Variants in KIF1B observed in about 807,000 individuals in gnomAD.
KIF1B encodes the protein kinesin family member 1B.
Under a neutral mutation model 241.9 loss-of-function variants are expected in KIF1B, and 76 were observed. The ratio of observed to expected loss-of-function variants is 0.31; its 90% CI spans 0.26 to 0.38. The LOEUF (loss-of-function observed/expected upper bound fraction) is 0.38. Ranked by LOEUF, KIF1B falls within the 10% of genes least tolerant of loss-of-function variation. The pLI is 1.00. For synonymous variants in KIF1B, 750 were observed against 796.7 expected, an observed-to-expected ratio of 0.94 and a Z score of 0.99; for missense variants, 1,622 against 2,271.4, an observed-to-expected ratio of 0.71 and a Z score of 5.81.
chr1:10,309,936 C>G (rs775865036), intron 22 of KIF1B, among the ~76,000 whole-genome samples: 3 of 151,370 alleles, frequency 2.0e-5, no homozygotes, highest in Non-Finnish European at 4.4e-5. Context: ...CTTCCCACCT[C>G]TGGGCTCTTG....
At chr1:10,242,927 A>T (rs1280161993) in intron 2 of KIF1B, among the ~76,000 whole-genome samples, 1 of 152,152 alleles carries the variant, frequency 6.6e-6, no homozygotes, top group Admixed American at 6.5e-5. Flanking sequence ...GATGGCAGGG[A>T]AAGGTAGGTA....
chr1:10,338,183 A>G (rs1304170564), intron 31 of KIF1B, among the ~76,000 whole-genome samples: 1 of 152,132 alleles, frequency 6.6e-6, no homozygotes, highest in Non-Finnish European at 1.5e-5. Context: ...AGTACAAGAG[A>G]CTGAAGTGTG....
intron 18 of KIF1B, 92 bp from the exon 19 acceptor site, chr1:10,295,568 A>T: frequency 8.6e-7 from 1 of 1,162,960 alleles, no homozygotes; most frequent in Non-Finnish European, 1.3e-6. Context: ...TTTTGTACGT[A>T]CCAAAGGATA....
At position 10,378,603 on chromosome 1, in the gene KIF1B, A is replaced by G; in HGVS notation, c.*2016A>G. 3.4e-6 allele frequency: 2 copies of G among 595,026 alleles called. No homozygotes were observed. 36.9% of individuals were successfully genotyped at this position (595,026 alleles called of 1,614,324 possible). On this transcript the variant is annotated 3_prime_UTR_variant, in exon 49 of 49. Coordinates refer to ENST00000676179, the MANE Select transcript of KIF1B (RefSeq NM_001365951.3). ...TTGAGGTTGCTGACTCTCAGGCGTTAGGCAGCTGGATGACTTCCCGCTTCA... is the reference window on the plus strand; with the variant it reads ...TTGAGGTTGCTGACTCTCAGGCGTTGGGCAGCTGGATGACTTCCCGCTTCA...
chr1:10,219,782 C>T (rs1646816487), intron 1 of KIF1B, among the ~76,000 whole-genome samples: 1 of 150,416 alleles, frequency 6.6e-6, no homozygotes, highest in African/African-American at 2.4e-5. Context: ...TAAAGACTTA[C>T]TAGGGCTGGG....
intron 33 of KIF1B, 122 bp downstream of exon 33, chr1:10,342,290 T>C (rs1652426078): frequency 5.3e-6 from 4 of 749,566 alleles, no homozygotes; most frequent in Non-Finnish European, 9.6e-6. Context: ...TATATTACCC[T>C]GTTTCCTCTT....
chr1:10,279,768 C>A (rs1400698202), intron 14 of KIF1B, among the ~76,000 whole-genome samples: 1 of 148,310 alleles, frequency 6.7e-6, no homozygotes, highest in Non-Finnish European at 1.5e-5. Context: ...ATGATCGTGG[C>A]CCACTGTAAC....
intron 1 of KIF1B, among the ~76,000 whole-genome samples, chr1:10,221,243 A>G (rs1178732664): frequency 6.6e-6 from 1 of 151,674 alleles, no homozygotes; most frequent in African/African-American, 2.4e-5. Context: ...GATTACAGGC[A>G]TGTGCCACCA....
intron 43 of KIF1B, among the ~76,000 whole-genome samples, chr1:10,366,514 C>T (rs1052588696): frequency 3.9e-5 from 6 of 151,952 alleles, no homozygotes; most frequent in East Asian, 1.9e-4. Flanking sequence ...CGGTGTCCTG[C>T]GTGATCAGGA....
chr1:10,249,763 C>T (rs1435297861), intron 2 of KIF1B, among the ~76,000 whole-genome samples: 2 of 152,118 alleles, frequency 1.3e-5, no homozygotes, highest in Non-Finnish European at 2.9e-5. Flanking sequence ...ATTAGCCGTG[C>T]ATGGTGGCAC....
At position 10,337,463 on chromosome 1, in the gene KIF1B, A is replaced by G; in HGVS notation, c.3352A>G (p.Thr1118Ala). Reference sequence around the variant, plus strand: ...CCACCTGAAACTGGGCAGTGCCTTCACTTTCCGAGTAACAGTGTTGCAGGC... The same window carrying G: ...CCACCTGAAACTGGGCAGTGCCTTCGCTTTCCGAGTAACAGTGTTGCAGGC... Reference protein sequence around the residue: ...GNHLKLGSAFTFRVTVLQASG... With the variant: ...GNHLKLGSAFAFRVTVLQASG... Residue 1118 changes from threonine to alanine, a missense_variant, in exon 31 of 49, where the codon ACT becomes GCT. This residue lies in a region of KIF1B where 803 missense variants were observed against 1,112.0 expected (regional missense o/e 0.72). Coordinates refer to ENST00000676179, the MANE Select transcript of KIF1B (RefSeq NM_001365951.3). The surrounding 1 kb of genome is among the most constrained non-coding windows in gnomAD (Gnocchi z 4.0). 1 of 1,614,180 alleles carries G rather than the reference A, an allele frequency of 6.2e-7. No homozygotes were observed. The highest frequency in any genetic ancestry group is 8.5e-7 in the Non-Finnish European group (1 of 1,180,026).
intron 8 of KIF1B, 91 bp from the exon 9 acceptor site, chr1:10,272,141 AGAAATATGC>A: frequency 1.2e-6 from 1 of 834,124 alleles, no homozygotes; most frequent in Non-Finnish European, 2.1e-6. Flanking sequence ...CTTGTAATAA[AGAAATATGC>A]TAGCATATGG....
intron 22 of KIF1B, among the ~76,000 whole-genome samples, chr1:10,314,818 T>G (rs1376859479): frequency 1.3e-5 from 2 of 151,694 alleles, no homozygotes; most frequent in Non-Finnish European, 2.9e-5. Flanking sequence ...GTCATCCTCA[T>G]ACCTTAACTG....
At chr1:10,218,437 T>A (rs1646797332) in intron 1 of KIF1B, among the ~76,000 whole-genome samples, 1 of 152,138 alleles carries the variant, frequency 6.6e-6, no homozygotes, top group Non-Finnish European at 1.5e-5. Context: ...TTTTTTTTTT[T>A]TGAGACAGAG....
At chr1:10,275,291 A>T in intron 10 of KIF1B, 137 bp from the exon 11 acceptor site, 1 of 645,380 alleles carries the variant, frequency 1.5e-6, no homozygotes, top group Non-Finnish European at 2.8e-6. Flanking sequence ...AAGAATTGAA[A>T]CTATGAATGA....
chr1:10,259,900 C>T (rs969956345), intron 4 of KIF1B, among the ~76,000 whole-genome samples: 7 of 151,426 alleles, frequency 4.6e-5, no homozygotes, highest in Non-Finnish European at 1.0e-4. Flanking sequence ...CTGCCTGCCT[C>T]GACTTCCAGA....
At chr1:10,364,397 G>T (rs1638508203) in intron 41 of KIF1B, among the ~76,000 whole-genome samples, 1 of 151,660 alleles carries the variant, frequency 6.6e-6, no homozygotes, top group Non-Finnish European at 1.5e-5. Flanking sequence ...TAGAGATGGG[G>T]TTTCACTATG....
chr1:10,235,133 G>A (rs1420086312), intron 2 of KIF1B, among the ~76,000 whole-genome samples: 4 of 150,060 alleles, frequency 2.7e-5, no homozygotes, highest in Middle Eastern at 7.8e-3. Flanking sequence ...CAGGTCATCC[G>A]CCTGCCTCAG....
intron 8 of KIF1B, among the ~76,000 whole-genome samples, 180 bp downstream of exon 8, chr1:10,271,759 G>A (rs535208567): frequency 1.3e-5 from 2 of 152,284 alleles, no homozygotes; most frequent in African/African-American, 4.8e-5. Context: ...AAAATAATTT[G>A]TGTCTGTCCT....
Sources: gnomAD v4.1 joint callset for allele counts (sites outside exome capture counted in the v4.1 genomes callset) on GRCh38, gnomAD v4.1.1 for gene constraint, gnomAD v4.1.1 regional missense constraint, Gnocchi (gnomAD v3.1) non-coding constraint, MANE v1.5 for transcripts, NCBI Gene and HGNC (gene_info 2026-07-23, HGNC 2026-07-21) for gene names.